SUCLG2: variants seen among roughly 807,000 people sequenced by gnomAD.
The protein encoded by SUCLG2 is succinate-CoA ligase GDP-forming subunit beta.
SUCLG2 carries 42 observed loss-of-function variants against 47.9 expected under a neutral mutation model. That is an observed-to-expected ratio of 0.88 (90% CI 0.69 to 1.14). The LOEUF (loss-of-function observed/expected upper bound fraction) is 1.14. Among genes scored for constraint, SUCLG2 ranks in the 50% most tolerant of loss-of-function variants. SUCLG2 has a pLI of 0.00. For missense variants in SUCLG2, 571 were observed against 525.9 expected, an observed-to-expected ratio of 1.09 and a Z score of -0.84; for synonymous variants, 195 against 197.3, an observed-to-expected ratio of 0.99 and a Z score of 0.10.
intron 2 of SUCLG2, among the ~76,000 whole-genome samples, chr3:67,569,552 T>C (rs1041653507): frequency 1.3e-5 from 2 of 152,218 alleles, no homozygotes; most frequent in African/African-American, 4.8e-5. Flanking sequence ...TCTCAAGCCT[T>C]AAAATACAAT....
chr3:67,369,716 G>A (rs537853546), intron 10 of SUCLG2, among the ~76,000 whole-genome samples: 1 of 152,304 alleles, frequency 6.6e-6, no homozygotes, highest in East Asian at 1.9e-4. Context: ...ATTAGCTCTG[G>A]ATGGTGAGAA....
intron 10 of SUCLG2, among the ~76,000 whole-genome samples, chr3:67,397,957 G>A (rs1241034526): frequency 2.7e-5 from 4 of 150,610 alleles, no homozygotes; most frequent in Non-Finnish European, 5.9e-5. Context: ...TGGGAAAACT[G>A]GCTAGCCATA....
chr3:67,580,731 T>C (rs930478976), intron 2 of SUCLG2, among the ~76,000 whole-genome samples: 1 of 152,214 alleles, frequency 6.6e-6, no homozygotes, highest in Non-Finnish European at 1.5e-5. Flanking sequence ...TTGGTCAGTT[T>C]TGAACACAGT....
At chr3:67,557,925 C>T (rs2634737) in intron 2 of SUCLG2, among the ~76,000 whole-genome samples, 1 of 151,996 alleles carries the variant, frequency 6.6e-6, no homozygotes, top group East Asian at 1.9e-4. Flanking sequence ...CAATCAGTCC[C>T]TTGGCTGTGA....
intron 9 of SUCLG2, among the ~76,000 whole-genome samples, chr3:67,433,954 C>G (rs931749726): frequency 6.6e-6 from 1 of 152,108 alleles, no homozygotes; most frequent in Non-Finnish European, 1.5e-5. Flanking sequence ...AAAAAGCTTT[C>G]AATACCTACG....
chr3:67,411,579 A>G (rs965073211), intron 9 of SUCLG2, among the ~76,000 whole-genome samples: 1 of 152,156 alleles, frequency 6.6e-6, no homozygotes, highest in African/African-American at 2.4e-5. Context: ...TTTATATTAA[A>G]ATTATTTTAA....
At chr3:67,490,351 A>G (rs963920139) in intron 9 of SUCLG2, among the ~76,000 whole-genome samples, 4 of 152,224 alleles carry the variant, frequency 2.6e-5, no homozygotes, top group Admixed American at 6.5e-5. Context: ...AAAATATGGC[A>G]TGCAGTTTTA....
rs374450915 is a variant in SUCLG2, at chr3:67,518,242, T to C, written c.660+5A>G. 21 of 1,610,078 alleles carry C rather than the reference T, an allele frequency of 1.3e-5. No individual in the cohort carries two copies. The African/African-American group carries it at 2.4e-4, about 18-fold the overall frequency. ...AGACACACCATCCCCCAATGGCTTATATACCTGGCTTTTCAAAGGCCCAAC... is the reference window on the plus strand; with the variant it reads ...AGACACACCATCCCCCAATGGCTTACATACCTGGCTTTTCAAAGGCCCAAC... On this transcript the variant is annotated splice_donor_5th_base_variant and intron_variant, in intron 6 of 10. Coordinates refer to ENST00000307227, the MANE Select transcript of SUCLG2 (RefSeq NM_003848.4).
intron 7 of SUCLG2, among the ~76,000 whole-genome samples, chr3:67,502,173 T>C (rs940321225): frequency 3.3e-5 from 5 of 152,184 alleles, no homozygotes; most frequent in African/African-American, 1.2e-4. Context: ...AATTGAATCA[T>C]AGGATACCTA....
intron 9 of SUCLG2, chr3:67,408,836 T>C (rs185268474): frequency 6.0e-5 from 85 of 1,420,144 alleles, no homozygotes; most frequent in Non-Finnish European, 7.1e-5. Flanking sequence ...TAGGCAATGG[T>C]GTCAAGATTT....
intron 2 of SUCLG2, among the ~76,000 whole-genome samples, chr3:67,559,101 A>G (rs1196948309): frequency 6.6e-6 from 1 of 152,192 alleles, no homozygotes; most frequent in Admixed American, 6.5e-5. Context: ...TACCTTAACT[A>G]CGTTGCTGAA....
At chr3:67,628,112 G>A (rs11717561) in intron 1 of SUCLG2, among the ~76,000 whole-genome samples, 46,126 of 152,054 alleles carry the variant, frequency 0.3, 7,437 homozygotes, top group Non-Finnish European at 0.36. Context: ...GACCCCAAAT[G>A]ATAAAAGCAG....
intron 1 of SUCLG2, among the ~76,000 whole-genome samples, chr3:67,624,213 A>G (rs777851842): frequency 2.0e-5 from 3 of 152,250 alleles, no homozygotes; most frequent in African/African-American, 4.8e-5. Flanking sequence ...TAGCTAACTC[A>G]ATCTCACAAG....
In SUCLG2 at chr3:67,375,182, C is replaced by T. The variant is rs893873390; in HGVS notation, c.*562G>A. 1.7e-5 allele frequency: 17 copies of T among 985,580 alleles called. No individual in the cohort carries two copies. Among genetic ancestry groups the T allele is most frequent in the South Asian group, 4.7e-5 (1 of 21,282 alleles). 61.1% of individuals were successfully genotyped at this position (985,580 alleles called of 1,614,324 possible). ...TATTAAATATATTTTGGAATACTCA[C>T]GGATTTTTCAAACATATGTTAGAAT... On this transcript the variant is annotated 3_prime_UTR_variant, in exon 11 of 11. Transcript: ENST00000307227.
At chr3:67,554,070 G>A (rs1018205821) in intron 2 of SUCLG2, among the ~76,000 whole-genome samples, 1 of 152,292 alleles carries the variant, frequency 6.6e-6, no homozygotes, top group Non-Finnish European at 1.5e-5. Flanking sequence ...AGGAGCTGGG[G>A]TAGCCCTCTC....
At chr3:67,461,580 T>A (rs542583296) in intron 9 of SUCLG2, among the ~76,000 whole-genome samples, 1 of 151,906 alleles carries the variant, frequency 6.6e-6, no homozygotes, top group African/African-American at 2.4e-5. Context: ...AGAATTTTCA[T>A]CTAGTATCTA....
rs866114814 is a variant in SUCLG2 at position 67,445,885 on chromosome 3, A to G, written c.1063-45034T>C. The stretch of plus-strand genomic sequence containing the variant: ...ATGGGGTGATTTCTTAGTATAGCAG[A>G]CTACACAGACATAATCAGATGTGAC... On this transcript the variant is annotated intron_variant, in intron 9 of 10. Transcript: ENST00000307227. 2.5e-4 allele frequency among the ~76,000 whole-genome samples: 16 copies of G among 63,022 alleles called. 5 individuals carry two copies. Among genetic ancestry groups the G allele is most frequent in the Middle Eastern group, 0.015 (2 of 130 alleles). 41.3% of individuals were successfully genotyped at this position (63,022 alleles called of 152,430 possible). A position where few individuals can be genotyped will look rare whatever the true frequency, so the allele number is the denominator to read the frequency against.
At chr3:67,532,238 C>T (rs985951107) in intron 2 of SUCLG2, among the ~76,000 whole-genome samples, 3 of 152,236 alleles carry the variant, frequency 2.0e-5, no homozygotes, top group African/African-American at 4.8e-5. Flanking sequence ...CGGGTTCAAG[C>T]GGTTCTCCTG....
In SUCLG2 at chr3:67,415,110, T is replaced by C. The variant is rs145273860; in HGVS notation, c.1063-14259A>G. Among the ~76,000 whole-genome samples the C allele has an allele frequency of 1.1e-4, 17 of 152,232 alleles. 1 individual carries two copies. The East Asian group carries it at 2.7e-3, about 24-fold the overall frequency. On this transcript the variant is annotated intron_variant, in intron 9 of 10. Coordinates refer to ENST00000307227, the MANE Select transcript of SUCLG2 (RefSeq NM_003848.4). ...GGCTCAAGTGATCCTCCTGTTTAGG[T>C]CTCCCAAAGTACTGGGATTACAAGC...
Sources: allele counts gnomAD v4.1 joint callset (sites outside exome capture counted in the v4.1 genomes callset), GRCh38; gene constraint gnomAD v4.1.1; transcripts MANE v1.5; gene names NCBI Gene and HGNC (gene_info 2026-07-23, HGNC 2026-07-21).